CCDC3: variants seen among roughly 807,000 people sequenced by gnomAD.
CCDC3 encodes the protein coiled-coil domain-containing protein 3.
A neutral mutation model predicts 21.4 loss-of-function variants in CCDC3; 24 were observed. The observed-to-expected ratio is 1.12, with a 90% CI of 0.81 to 1.58. The LOEUF is 1.58. Among genes scored for constraint, CCDC3 ranks in the 40% most tolerant of loss-of-function variants. The pLI, the probability that CCDC3 is intolerant of heterozygous loss-of-function variation, is 0.00. For synonymous variants in CCDC3, 186 were observed against 166.0 expected (o/e 1.12, Z -0.93); for missense variants, 425 against 360.9 (o/e 1.18, Z -1.44).
chr10:12,924,574 A>T (rs931938807), intron 2 of CCDC3: 4 of 152,236 alleles, frequency 2.6e-5, no homozygotes, highest in African/African-American at 4.8e-5. Flanking sequence ...CAAGGTTAAC[A>T]TCCATTTTCC....
At chr10:12,935,014 C>T (rs777717992) in intron 2 of CCDC3, among the ~76,000 whole-genome samples, 2 of 152,026 alleles carry the variant, frequency 1.3e-5, no homozygotes, top group African/African-American at 4.8e-5. Flanking sequence ...TAGGCTCAAG[C>T]AGTCCTCCTG....
intron 5 of CCDC3, among the ~76,000 whole-genome samples, chr10:13,030,676 A>G (rs2131411034): frequency 2.0e-5 from 3 of 152,326 alleles, no homozygotes; most frequent in Admixed American, 2.0e-4. Flanking sequence ...AGCAGAAAAA[A>G]AAAGCAGAGG....
intron 5 of CCDC3, among the ~76,000 whole-genome samples, chr10:13,047,859 C>T (rs190982061): frequency 1.3e-5 from 2 of 152,224 alleles, no homozygotes; most frequent in East Asian, 1.9e-4. Context: ...AGGGACGCGC[C>T]GGAAGAAATA....
At chr10:13,029,040 C>T (rs561228473) in intron 5 of CCDC3, among the ~76,000 whole-genome samples, 34 of 152,190 alleles carry the variant, frequency 2.2e-4, no homozygotes, top group Non-Finnish European at 3.7e-4. Context: ...TGTTCGGCCA[C>T]TAAACAGGGT....
At chr10:12,905,537 TCA>T (rs1405950871) in intron 2 of CCDC3, among the ~76,000 whole-genome samples, 1 of 152,172 alleles carries the variant, frequency 6.6e-6, no homozygotes, top group Non-Finnish European at 1.5e-5. Flanking sequence ...CCCAAGAACC[TCA>T]CTGTCCACAT....
At chr10:13,013,297 T>A in intron 5 of CCDC3, among the ~76,000 whole-genome samples, 1 of 152,170 alleles carries the variant, frequency 6.6e-6, no homozygotes, top group Non-Finnish European at 1.5e-5. Context: ...TGAGTGGACA[T>A]GAAAATTCTG....
At chr10:13,050,976 A>G (rs939315382) in intron 4 of CCDC3, among the ~76,000 whole-genome samples, 3 of 152,004 alleles carry the variant, frequency 2.0e-5, no homozygotes, top group African/African-American at 2.4e-5. Flanking sequence ...TTTTTTGTAG[A>G]GACCAGGTCT....
chr10:13,036,993 T>A (rs528099579), intron 5 of CCDC3, among the ~76,000 whole-genome samples: 2 of 151,246 alleles, frequency 1.3e-5, no homozygotes, highest in African/African-American at 4.9e-5. Flanking sequence ...CTGTGTTGCC[T>A]AGGCTGGTCT....
At chr10:12,976,604 C>T (rs1835421189) in intron 2 of CCDC3, among the ~76,000 whole-genome samples, 1 of 152,180 alleles carries the variant, frequency 6.6e-6, no homozygotes, top group Non-Finnish European at 1.5e-5. Context: ...CACACGGTAT[C>T]GTTACACAAA....
Position 13,098,710 on chromosome 10 carries a change from A to ATTTTTTTTTTTTTTTTTTTTTTTT in CCDC3, c.-580-132_-580-109dup, listed in dbSNP as rs575500494. On this transcript the variant is annotated intron_variant, in intron 2 of 6. Transcript: ENST00000378839. ...GAATGATCAGTTATTTCCTGCACTG[A>ATTTTTTTTTTTTTTTTTTTTTTTT]TTTTTTTTTTTTTTTTTTTTTTTTG... is the stretch of plus-strand genomic sequence containing the variant. 4.6e-5 allele frequency: 3 copies of ATTTTTTTTTTTTTTTTTTTTTTTT among 64,844 alleles called. 1 individual carries two copies. The highest frequency in any genetic ancestry group is 2.0e-4 in the African/African-American group (3 of 15,158). The allele number at this position is 64,844 out of a possible 1,614,324, so 4.0% of individuals were successfully genotyped here. A position where few individuals can be genotyped will look rare whatever the true frequency, so the allele number is the denominator to read the frequency against.
In CCDC3 at chr10:12,991,311, G is replaced by T. The variant is rs145397653; in HGVS notation, c.549+7027C>A. On this transcript the variant is annotated intron_variant, in intron 2 of 2. Coordinates refer to ENST00000378825, the MANE Select transcript of CCDC3 (RefSeq NM_031455.4). The stretch of plus-strand genomic sequence containing the variant: ...CAAAGCTTGAACATATGTTTTTTTT[G>T]TTGTTGTTGTTTTGTTTTTTTTTCC... 7.7e-3 allele frequency among the ~76,000 whole-genome samples: 1,054 copies of T among 136,902 alleles called. 11 individuals are homozygous for T. The highest frequency in any genetic ancestry group is 0.027 in the African/African-American group (977 of 35,760). 89.8% of individuals were successfully genotyped at this position (136,902 alleles called of 152,430 possible).
intron 3 of CCDC3, among the ~76,000 whole-genome samples, chr10:13,076,452 A>T (rs1415393692): frequency 6.6e-6 from 1 of 152,258 alleles, no homozygotes; most frequent in African/African-American, 2.4e-5. Context: ...CAGACGTAGG[A>T]GTGTCCTGTG....
At chr10:13,059,475 G>A (rs1470133884) in intron 4 of CCDC3, among the ~76,000 whole-genome samples, 1 of 152,196 alleles carries the variant, frequency 6.6e-6, no homozygotes, top group African/African-American at 2.4e-5. Context: ...GACAATAAAT[G>A]AAATATTGGA....
intron 2 of CCDC3, among the ~76,000 whole-genome samples, chr10:12,959,466 C>T (rs544744338): frequency 1.3e-5 from 2 of 152,164 alleles, no homozygotes; most frequent in Non-Finnish European, 2.9e-5. Flanking sequence ...CCGTGCCCAA[C>T]CTACAAGCTA....
intron 2 of CCDC3, among the ~76,000 whole-genome samples, chr10:12,994,413 C>CAA (rs1212456630): frequency 8.0e-6 from 1 of 125,090 alleles, no homozygotes; most frequent in Admixed American, 7.9e-5. Flanking sequence ...CAAAACAAAA[C>CAA]AAAAAAAAAA....
At chr10:12,943,731 G>A (rs77240298) in intron 2 of CCDC3, among the ~76,000 whole-genome samples, 5,930 of 152,218 alleles carry the variant, frequency 0.039, 184 homozygotes, top group East Asian at 0.12. Flanking sequence ...ATCAGACACC[G>A]CCTCCCCAAG....
At chr10:12,947,954 G>C (rs998248933) in intron 2 of CCDC3, among the ~76,000 whole-genome samples, 3 of 152,198 alleles carry the variant, frequency 2.0e-5, no homozygotes, top group African/African-American at 7.2e-5. Flanking sequence ...CCTATTAAGT[G>C]AAATTGGAAG....
At chr10:13,034,143 C>A (rs7074921) in intron 5 of CCDC3, among the ~76,000 whole-genome samples, 4,474 of 152,150 alleles carry the variant, frequency 0.029, 248 homozygotes, top group African/African-American at 0.1. Context: ...ACATATACAC[C>A]ATGGAATACT....
chr10:13,018,720 C>T (rs149493394), intron 5 of CCDC3, among the ~76,000 whole-genome samples: 1,639 of 148,452 alleles, frequency 0.011, 32 homozygotes, highest in African/African-American at 0.039. Flanking sequence ...CACCTGAGTT[C>T]AGGAGTTCGA....
Sources: gnomAD v4.1 joint callset for allele counts (sites outside exome capture counted in the v4.1 genomes callset) on GRCh38, gnomAD v4.1.1 for gene constraint, MANE v1.5 for transcripts, NCBI Gene and HGNC (gene_info 2026-07-23, HGNC 2026-07-21) for gene names.